The following CACNA2D1 variants were observed in gnomAD, a reference collection of about 807,000 sequenced individuals.
The protein encoded by CACNA2D1 is calcium voltage-gated channel auxiliary subunit alpha2delta 1, also known as voltage-dependent calcium channel subunit alpha-2/delta-1.
Under a neutral mutation model 171.5 loss-of-function variants are expected in CACNA2D1, and 53 were observed. The observed-to-expected ratio is 0.31, with a 90% CI of 0.25 to 0.39. CACNA2D1 has a LOEUF of 0.39. Among genes scored for constraint, CACNA2D1 ranks in the 10% least tolerant of loss-of-function variants. The probability of loss-of-function intolerance (pLI) is 1.00; values close to 1 mark genes in which losing one functional copy is unlikely to be tolerated. For synonymous variants in CACNA2D1, 442 were observed against 443.1 expected (o/e 1.00, Z 0.03); for missense variants, 903 against 1,299.8 (o/e 0.69, Z 4.69).
chr7:82,326,227 G>A (rs1487631870), intron 3 of CACNA2D1, among the ~76,000 whole-genome samples: 1 of 152,132 alleles, frequency 6.6e-6, no homozygotes, highest in South Asian at 2.1e-4. Flanking sequence ...TGGTGTTTAC[G>A]TAAAAGCTTA....
intron 12 of CACNA2D1, among the ~76,000 whole-genome samples, chr7:82,015,560 T>TAA (rs1800346209): frequency 6.6e-6 from 1 of 152,154 alleles, no homozygotes; most frequent in South Asian, 2.1e-4. Flanking sequence ...AAATTATTTT[T>TAA]ACATATATAT....
intron 3 of CACNA2D1, among the ~76,000 whole-genome samples, chr7:82,289,353 A>C (rs1225423065): frequency 6.6e-6 from 1 of 152,182 alleles, no homozygotes; most frequent in East Asian, 1.9e-4. Flanking sequence ...ACACCATTGT[A>C]TCTGCTCTCA....
intron 1 of CACNA2D1, among the ~76,000 whole-genome samples, chr7:82,433,147 C>G: frequency 6.6e-6 from 1 of 151,190 alleles, no homozygotes; most frequent in Non-Finnish European, 1.5e-5. Context: ...GAGATCACAC[C>G]ACTGCACTCC....
At chr7:82,124,916 A>T (rs1790158604) in intron 5 of CACNA2D1, among the ~76,000 whole-genome samples, 1 of 152,202 alleles carries the variant, frequency 6.6e-6, no homozygotes, top group Admixed American at 6.6e-5. Flanking sequence ...CTAGAAAAGA[A>T]ACCTAGATTT....
chr7:82,397,586 T>A (rs1454255725), intron 1 of CACNA2D1, among the ~76,000 whole-genome samples: 1 of 152,120 alleles, frequency 6.6e-6, no homozygotes, highest in Non-Finnish European at 1.5e-5. Flanking sequence ...CAAAGGCAAA[T>A]CAGTGATTAA....
chr7:82,137,610 G>A (rs1379734789), intron 4 of CACNA2D1, among the ~76,000 whole-genome samples: 1 of 150,814 alleles, frequency 6.6e-6, no homozygotes, highest in African/African-American at 2.4e-5. Flanking sequence ...GGTGGCTCAC[G>A]CCTGTAATCC....
intron 1 of CACNA2D1, among the ~76,000 whole-genome samples, chr7:82,366,155 C>T (rs541845335): frequency 1.3e-5 from 2 of 152,304 alleles, no homozygotes; most frequent in East Asian, 3.9e-4. Context: ...AAATTTTGGT[C>T]TTGAACTTGT....
intron 5 of CACNA2D1, among the ~76,000 whole-genome samples, chr7:82,123,511 T>G (rs2129060076): frequency 6.6e-6 from 1 of 152,326 alleles, no homozygotes; most frequent in African/African-American, 2.4e-5. Flanking sequence ...TAAATTCAAA[T>G]TTTAAATCAA....
At chr7:82,134,059 C>T (rs994995670) in intron 5 of CACNA2D1, among the ~76,000 whole-genome samples, 2 of 149,796 alleles carry the variant, frequency 1.3e-5, no homozygotes, top group Admixed American at 1.3e-4. Context: ...GGCGACAGAG[C>T]GAGAGTCTGT....
At chr7:82,439,888 G>A (rs1172034240) in intron 1 of CACNA2D1, among the ~76,000 whole-genome samples, 1 of 151,592 alleles carries the variant, frequency 6.6e-6, no homozygotes, top group African/African-American at 2.4e-5. Context: ...TTGATCATAT[G>A]GCACATTTCC....
chr7:81,974,796 T>C (rs1033477695), intron 24 of CACNA2D1, among the ~76,000 whole-genome samples: 2 of 152,044 alleles, frequency 1.3e-5, no homozygotes, highest in Non-Finnish European at 2.9e-5. Context: ...AGTTTTGGTG[T>C]AGTTATACTA....
Position 81,959,377 on chromosome 7 carries a change from G to C in CACNA2D1, c.3077-20C>G, listed in dbSNP as rs1221249471. On this transcript the variant is annotated intron_variant, in intron 37 of 38. Coordinates refer to ENST00000356860, the MANE Select transcript of CACNA2D1 (RefSeq NM_000722.4). ...CGTCAGCTAAAAGAGACTTGTTAAGGAATCTCATGTTAGTTTTTTTCACAT... is the reference window on the plus strand; with the variant it reads ...CGTCAGCTAAAAGAGACTTGTTAAGCAATCTCATGTTAGTTTTTTTCACAT... The C allele has an allele frequency of 1.3e-6, 2 of 1,531,442 alleles. No homozygotes were observed. Among genetic ancestry groups the C allele is most frequent in the South Asian group, 1.1e-5 (1 of 89,492 alleles). The allele number at this position is 1,531,442 out of a possible 1,614,324, so 94.9% of individuals were successfully genotyped here. A position where few individuals can be genotyped will look rare whatever the true frequency, so the allele number is the denominator to read the frequency against.
chr7:82,098,835 C>G (rs1812255974), intron 6 of CACNA2D1, among the ~76,000 whole-genome samples: 3 of 152,178 alleles, frequency 2.0e-5, no homozygotes, highest in African/African-American at 4.8e-5. Context: ...CATCAGAAGG[C>G]AGGTCTGACA....
intron 4 of CACNA2D1, among the ~76,000 whole-genome samples, chr7:82,137,864 A>G (rs2129080963): frequency 6.6e-6 from 1 of 152,252 alleles, no homozygotes; most frequent in African/African-American, 2.4e-5. Context: ...CGCCTCAAAA[A>G]AAAAATTTAT....
intron 3 of CACNA2D1, among the ~76,000 whole-genome samples, chr7:82,299,279 G>A (rs1025856019): frequency 6.6e-6 from 1 of 152,024 alleles, no homozygotes. Context: ...GGTTAAAGTG[G>A]AAACTTTTAC....
chr7:82,060,231 A>G (rs537746551), intron 10 of CACNA2D1, among the ~76,000 whole-genome samples, 197 bp downstream of exon 10: 4 of 73,682 alleles, frequency 5.4e-5, no homozygotes, highest in East Asian at 4.5e-4. Context: ...TAATATATAT[A>G]TATAATATGT....
chr7:82,297,888 T>C (rs1458721956), intron 3 of CACNA2D1, among the ~76,000 whole-genome samples: 5 of 152,162 alleles, frequency 3.3e-5, no homozygotes, highest in Admixed American at 3.3e-4. Context: ...TCAATTATTT[T>C]CTTGTAATAC....
At chr7:82,437,858 C>T (rs537302776) in intron 1 of CACNA2D1, among the ~76,000 whole-genome samples, 23 of 152,180 alleles carry the variant, frequency 1.5e-4, no homozygotes, top group African/African-American at 4.8e-4. Flanking sequence ...AATTTTAAAC[C>T]TGTGCACATT....
chr7:82,399,383 T>C (rs1299408739), intron 1 of CACNA2D1, among the ~76,000 whole-genome samples: 1 of 151,380 alleles, frequency 6.6e-6, no homozygotes, highest in South Asian at 2.1e-4. Flanking sequence ...GAGGCTGCAG[T>C]GAGCCGAGAT....
Sources: gnomAD v4.1 joint callset for allele counts (sites outside exome capture counted in the v4.1 genomes callset) on GRCh38, gnomAD v4.1.1 for gene constraint, MANE v1.5 for transcripts, NCBI Gene and HGNC (gene_info 2026-07-23, HGNC 2026-07-21) for gene names.